Variants in ZC3H4 observed in about 807,000 individuals in gnomAD.
ZC3H4 encodes the protein zinc finger CCCH-type containing 4.
Under a neutral mutation model 108.3 loss-of-function variants are expected in ZC3H4, and 13 were observed. The ratio of observed to expected loss-of-function variants is 0.12; its 90% CI spans 0.08 to 0.19. The LOEUF is 0.19. Among genes scored for constraint, ZC3H4 ranks in the 10% least tolerant of loss-of-function variants. The probability of loss-of-function intolerance (pLI) is 1.00; values close to 1 mark genes in which losing one functional copy is unlikely to be tolerated. For synonymous variants in ZC3H4, 917 were observed against 749.6 expected, an observed-to-expected ratio of 1.22 and a Z score of -3.65; for missense variants, 1,734 against 1,838.8, an observed-to-expected ratio of 0.94 and a Z score of 1.04.
intron 13 of ZC3H4, 107 bp downstream of exon 13, chr19:47,071,671 T>C (rs1378822711): frequency 1.5e-5 from 18 of 1,217,918 alleles, no homozygotes; most frequent in African/African-American, 1.4e-4. Flanking sequence ...GATGGAGTCA[T>C]GCTTTCAAAG....
intron 2 of ZC3H4, among the ~76,000 whole-genome samples, chr19:47,107,770 G>GAAATCTATTTAA (rs1039998083): frequency 1.3e-5 from 2 of 151,962 alleles, no homozygotes; most frequent in Non-Finnish European, 2.9e-5. Flanking sequence ...TGATGTGCCA[G>GAAATCTATTTAA]AAATCTATTT....
At chr19:47,102,665 G>A (rs958839621) in intron 2 of ZC3H4, among the ~76,000 whole-genome samples, 10 of 151,892 alleles carry the variant, frequency 6.6e-5, no homozygotes, top group African/African-American at 2.4e-4. Flanking sequence ...AGGCCGATAC[G>A]GTCCTTCCAA....
chr19:47,068,493 G>C (rs970612558), intron 14 of ZC3H4, among the ~76,000 whole-genome samples: 3 of 152,198 alleles, frequency 2.0e-5, no homozygotes, highest in Non-Finnish European at 4.4e-5. Flanking sequence ...ACTCAGACAT[G>C]GGCTCAAGCA....
intron 4 of ZC3H4, 29 bp from the exon 5 acceptor site, chr19:47,090,218 G>C (rs752849889): frequency 6.2e-7 from 1 of 1,613,160 alleles, no homozygotes; most frequent in Non-Finnish European, 8.5e-7. Flanking sequence ...GAAAAGAGGT[G>C]AGCCGGATCC....
At chr19:47,112,731 C>G in intron 1 of ZC3H4, 142 bp from the exon 2 acceptor site, 1 of 452,134 alleles carries the variant, frequency 2.2e-6, no homozygotes, top group Non-Finnish European at 3.6e-6. Flanking sequence ...CTGACCTCCG[C>G]GTAGGCCGCA....
chr19:47,089,875 G>A, intron 5 of ZC3H4, 92 bp downstream of exon 5: 1 of 1,359,478 alleles, frequency 7.4e-7, no homozygotes, highest in South Asian at 1.3e-5. Flanking sequence ...AACCCTAAGT[G>A]ACCAAACTTG....
rs376929365 is a variant in ZC3H4, at chr19:47,068,023, G to A, written c.2399-154C>T. Among the ~76,000 whole-genome samples, 161 of 152,246 alleles carry A rather than the reference G, an allele frequency of 1.1e-3. 1 individual carries two copies. The highest frequency in any genetic ancestry group is 3.0e-3 in the African/African-American group (125 of 41,538). On this transcript the variant is annotated intron_variant, in intron 14 of 14. Coordinates refer to ENST00000253048, the MANE Select transcript of ZC3H4 (RefSeq NM_015168.2). Reference sequence around the variant, plus strand: ...TAAGGCTCCCTCCCCACAGTGGGCGGCTGAGGAGACCCAGAGAGCTAAGGC... The same window carrying A: ...TAAGGCTCCCTCCCCACAGTGGGCGACTGAGGAGACCCAGAGAGCTAAGGC...
At position 47,085,372 on chromosome 19, in the gene ZC3H4, C is replaced by T. The variant is rs1451345178; in HGVS notation, c.913G>A (p.Glu305Lys). ...EEPMGDDDYD[E>K]YSKELNQYRR... Reference sequence around the variant, plus strand: ...TACTGGTTCAGCTCCTTGGAGTACTCGTCATAGTCGTCGTCTCCCATTGGC... The same window carrying T: ...TACTGGTTCAGCTCCTTGGAGTACTTGTCATAGTCGTCGTCTCCCATTGGC... The change falls in exon 7 of 15, where the codon GAG (glutamate) becomes AAG (lysine). Residue 305 changes from glutamate to lysine, a missense_variant. Glu to Lys is a moderately conservative substitution (Grantham distance 56). Around this residue, in one of 9 missense-constraint regions of ZC3H4, gnomAD observed 403 missense variants for 457.0 expected, o/e 0.88. Coordinates refer to ENST00000253048, the MANE Select transcript of ZC3H4 (RefSeq NM_015168.2). The T allele has an allele frequency of 2.5e-6, 4 of 1,601,864 alleles. No individual in the cohort carries two copies. The highest frequency in any genetic ancestry group is 3.4e-6 in the Non-Finnish European group (4 of 1,174,096).
In ZC3H4 at chr19:47,066,352, G is replaced by T; in HGVS notation, c.*4C>A. On this transcript the variant is annotated 3_prime_UTR_variant, in exon 15 of 15. Transcript: ENST00000253048. ...GTGGCTGGAGCCGCAGCTCTGGCTG[G>T]ACACTACTGGCAAAAGGGGGAGGCC... The T allele has an allele frequency of 7.8e-6, 12 of 1,530,118 alleles. No individual in the cohort carries two copies. Among genetic ancestry groups the T allele is most frequent in the Non-Finnish European group, 1.1e-5 (12 of 1,139,502 alleles). The allele number at this position is 1,530,118 out of a possible 1,614,324, so 94.8% of individuals were successfully genotyped here.
intron 2 of ZC3H4, among the ~76,000 whole-genome samples, chr19:47,109,727 C>T (rs565425506): frequency 8.5e-5 from 13 of 152,182 alleles, no homozygotes; most frequent in East Asian, 7.7e-4. Flanking sequence ...TCTACATGTG[C>T]GTGACCTTTT....
chr19:47,066,377 C>T lies in ZC3H4; in HGVS notation c.3891G>A (p.Thr1297=), dbSNP rs753360031. The change falls in exon 15 of 15, where the codon ACG becomes ACA. Residue 1297 remains threonine (T), a synonymous_variant. Transcript: ENST00000253048. ...GACACTACTGGCAAAAGGGGGAGGC[C>T]GTGGGGTCGAAGCCTTTAAAAACAT... The part of the protein sequence containing the change: ...LKDVFKGFDP[T]ASPFCQ 1.1e-5 allele frequency: 17 copies of T among 1,560,016 alleles called. No individual in the cohort carries two copies. The highest frequency in any genetic ancestry group is 2.1e-4 in the Middle Eastern group (1 of 4,678).
At chr19:47,104,499 GT>G (rs2123081798) in intron 2 of ZC3H4, among the ~76,000 whole-genome samples, 1 of 152,280 alleles carries the variant, frequency 6.6e-6, no homozygotes, top group East Asian at 1.9e-4. Flanking sequence ...TCTATATGAA[GT>G]ATCAATCTCA....
At chr19:47,094,647 T>C in intron 2 of ZC3H4, 39 bp from the exon 3 acceptor site, 1 of 1,607,296 alleles carries the variant, frequency 6.2e-7, no homozygotes, top group Non-Finnish European at 8.5e-7. Flanking sequence ...ACACAGGGTT[T>C]GAGAGGAGAC....
chr19:47,101,579 G>A (rs1285518571), intron 2 of ZC3H4, among the ~76,000 whole-genome samples: 1 of 151,706 alleles, frequency 6.6e-6, no homozygotes, highest in African/African-American at 2.4e-5. Flanking sequence ...AGTTAAGAAA[G>A]AAAAAAGTTC....
At chr19:47,086,340 C>A (rs769857805) in intron 6 of ZC3H4, 44 bp downstream of exon 6, 23 of 1,609,226 alleles carry the variant, frequency 1.4e-5, no homozygotes, top group Non-Finnish European at 1.7e-5. Flanking sequence ...CCGGAAAGCC[C>A]ACCAGCCTCA....
Position 47,071,862 on chromosome 19 carries a change from TAGG to T in ZC3H4, c.2059_2061del (p.Pro687del), listed in dbSNP as rs2057331534. On this transcript the variant is annotated inframe_deletion, in exon 13 of 15. Transcript: ENST00000253048. ...TCATAGAAGTTCTGGGCTGGCGGGA[TAGG>T]GGGCATCATTCCAGAATGTGGGGAG... 1 of 1,613,520 alleles carries T rather than the reference TAGG, an allele frequency of 6.2e-7. No individual in the cohort carries two copies. Among genetic ancestry groups the T allele is most frequent in the East Asian group, 2.2e-5 (1 of 44,836 alleles).
In ZC3H4 at chr19:47,072,411, G is replaced by A; in HGVS notation, c.1743C>T (p.Pro581=). The part of the protein sequence containing the change: ...QQQDMYNKKI[P]SLFEIVVRPT... Reference sequence around the variant, plus strand: ...GCCGCACCACGATCTCAAACAAGGAGGGGATCTTCTTGTTGTACATGTCCT... The same window carrying A: ...GCCGCACCACGATCTCAAACAAGGAAGGGATCTTCTTGTTGTACATGTCCT... The change falls in exon 12 of 15, where the codon CCC becomes CCT. Residue 581 remains proline (P), a synonymous_variant. Transcript: ENST00000253048. The surrounding 1 kb of genome is among the most constrained non-coding windows in gnomAD (Gnocchi z 5.6). The A allele has an allele frequency of 1.2e-6, 2 of 1,613,268 alleles. No individual in the cohort carries two copies. The highest frequency in any genetic ancestry group is 1.7e-6 in the Non-Finnish European group (2 of 1,179,756).
chr19:47,097,959 G>A (rs937869095), intron 2 of ZC3H4, among the ~76,000 whole-genome samples: 5 of 152,216 alleles, frequency 3.3e-5, no homozygotes, highest in African/African-American at 9.6e-5. Flanking sequence ...CTGGGAGACC[G>A]ACTTGGAACT....
Position 47,072,498 on chromosome 19 carries a change from G to C in ZC3H4, c.1656C>G (p.Pro552=). ...CCGGCATGGGCATCTGAGGGGGCCC[G>C]GGCGGTGGGGGAGGGGGAGGGGGCG... ...PPPPPPPPPP[P]GPPQMPMPVH... The change falls in exon 12 of 15, where the codon CCC becomes CCG. Residue 552 remains proline (P), a synonymous_variant. Coordinates refer to ENST00000253048, the MANE Select transcript of ZC3H4 (RefSeq NM_015168.2). The surrounding 1 kb of genome is among the most constrained non-coding windows in gnomAD (Gnocchi z 5.6). 4 of 1,420,444 alleles carry C rather than the reference G, an allele frequency of 2.8e-6. No individual in the cohort carries two copies. The highest frequency in any genetic ancestry group is 3.8e-6 in the Non-Finnish European group (4 of 1,046,544). 88.0% of individuals were successfully genotyped at this position (1,420,444 alleles called of 1,614,324 possible). A position where few individuals can be genotyped will look rare whatever the true frequency, so the allele number is the denominator to read the frequency against.
Sources: gnomAD v4.1 joint callset for allele counts (sites outside exome capture counted in the v4.1 genomes callset) on GRCh38, gnomAD v4.1.1 for gene constraint, gnomAD v4.1.1 regional missense constraint, Gnocchi (gnomAD v3.1) non-coding constraint, MANE v1.5 for transcripts, NCBI Gene and HGNC (gene_info 2026-07-23, HGNC 2026-07-21) for gene names.